The following TBX5 variants were observed in gnomAD, a reference collection of about 807,000 sequenced individuals.
TBX5 encodes the protein T-box transcription factor 5.
TBX5 carries 8 observed loss-of-function variants against 51.1 expected under a neutral mutation model. That is an observed-to-expected ratio of 0.16 (90% confidence interval 0.09 to 0.28). The LOEUF (loss-of-function observed/expected upper bound fraction) is 0.28, where lower values mean the gene tolerates loss of function less well. Ranked by LOEUF, TBX5 falls within the 10% of genes least tolerant of loss-of-function variation. The probability of loss-of-function intolerance (pLI) is 1.00; values close to 1 mark genes in which losing one functional copy is unlikely to be tolerated. For missense variants in TBX5, 589 were observed against 671.7 expected (o/e 0.88, Z 1.36); for synonymous variants, 302 against 266.4 (o/e 1.13, Z -1.30).
chr12:114,356,402 T>A (rs912699940), intron 8 of TBX5, among the ~76,000 whole-genome samples: 2 of 152,054 alleles, frequency 1.3e-5, no homozygotes, highest in South Asian at 2.1e-4. Flanking sequence ...GGAAAATACA[T>A]GAAGCACTTA....
intron 8 of TBX5, 141 bp from the exon 9 acceptor site, chr12:114,356,247 G>A (rs1868910278): frequency 1.2e-6 from 1 of 855,918 alleles, no homozygotes; most frequent in Admixed American, 2.0e-5. Flanking sequence ...TACAAAAAAA[G>A]GGGGTTGGAT....
chr12:114,404,175 C>G (rs1410578142), intron 1 of TBX5, among the ~76,000 whole-genome samples: 2 of 152,098 alleles, frequency 1.3e-5, no homozygotes. Context: ...GCAAAAGACC[C>G]GCGTCAGACC....
intron 7 of TBX5, among the ~76,000 whole-genome samples, chr12:114,374,967 C>G (rs967619556): frequency 6.6e-6 from 1 of 152,076 alleles, no homozygotes; most frequent in Admixed American, 6.6e-5. Flanking sequence ...AAATATATAG[C>G]AAAATTTTAA....
At chr12:114,383,068 C>T (rs1205449206) in intron 7 of TBX5, among the ~76,000 whole-genome samples, 1 of 152,022 alleles carries the variant, frequency 6.6e-6, no homozygotes, top group African/African-American at 2.4e-5. Context: ...ACATGCCCAC[C>T]TGTCTCTACT....
At chr12:114,366,138 A>G (rs1869517717) in intron 8 of TBX5, 27 bp downstream of exon 8, 3 of 1,612,160 alleles carry the variant, frequency 1.9e-6, no homozygotes, top group African/African-American at 2.7e-5. Flanking sequence ...GAAAGAAAGC[A>G]AATTGACCAG....
chr12:114,393,648 AAAGTCATTGTC>A (rs2136408946), intron 6 of TBX5, among the ~76,000 whole-genome samples: 1 of 152,262 alleles, frequency 6.6e-6, no homozygotes, highest in Admixed American at 6.5e-5. Context: ...AGCCTGCTCC[AAAGTCATTGTC>A]AAGCTTTGAA....
intron 6 of TBX5, among the ~76,000 whole-genome samples, chr12:114,387,551 T>A (rs1339590129): frequency 1.3e-5 from 2 of 152,176 alleles, no homozygotes; most frequent in African/African-American, 4.8e-5. Context: ...ATTTTTGGGT[T>A]TGTGAAACTA....
intron 7 of TBX5, among the ~76,000 whole-genome samples, chr12:114,383,911 A>C (rs1242018572): frequency 6.6e-6 from 1 of 152,158 alleles, no homozygotes; most frequent in African/African-American, 2.4e-5. Context: ...TAGGACTGAG[A>C]GGTGACTTTG....
chr12:114,372,588 G>A (rs751589103), intron 7 of TBX5, among the ~76,000 whole-genome samples: 3 of 151,732 alleles, frequency 2.0e-5, no homozygotes, highest in Non-Finnish European at 4.4e-5. Flanking sequence ...TAATAGACAT[G>A]AGCCACCTTA....
chr12:114,355,139 A>G lies in TBX5; in HGVS notation c.*393T>C. 9.3e-6 allele frequency: 3 copies of G among 321,974 alleles called. No homozygotes were observed. The highest frequency in any genetic ancestry group is 8.7e-5 in the South Asian group (3 of 34,658). 19.9% of individuals were successfully genotyped at this position (321,974 alleles called of 1,614,324 possible). A position where few individuals can be genotyped will look rare whatever the true frequency, so the allele number is the denominator to read the frequency against. ...ATATAACAATGTCAACATTAACACC[A>G]AGACAGGGACAGACTCCAACTACGC... On this transcript the variant is annotated 3_prime_UTR_variant, in exon 9 of 9. Transcript: ENST00000405440.
At chr12:114,394,108 A>T (rs1871294533) in intron 6 of TBX5, among the ~76,000 whole-genome samples, 1 of 152,130 alleles carries the variant, frequency 6.6e-6, no homozygotes, top group African/African-American at 2.4e-5. Flanking sequence ...GGAGTTCAAG[A>T]CCAGTCCTGG....
intron 6 of TBX5, among the ~76,000 whole-genome samples, chr12:114,392,047 C>T (rs1018340743): frequency 6.6e-6 from 1 of 151,808 alleles, no homozygotes; most frequent in Non-Finnish European, 1.5e-5. Flanking sequence ...TCAATCAATA[C>T]AGAAAAAAAA....
At chr12:114,404,938 T>C (rs2136426452) in intron 1 of TBX5, among the ~76,000 whole-genome samples, 1 of 152,356 alleles carries the variant, frequency 6.6e-6, no homozygotes, top group South Asian at 2.1e-4. Flanking sequence ...TGCAGGCGTA[T>C]GAGCTTAGAA....
rs1555225276 is a variant in TBX5, at chr12:114,384,714, AACAC to A, written c.755+758_755+761del. 8.6e-3 allele frequency among the ~76,000 whole-genome samples: 1,242 copies of A among 143,944 alleles called. 9 individuals are homozygous for A. Among genetic ancestry groups the A allele is most frequent in the African/African-American group, 0.018 (701 of 38,918 alleles). The allele number at this position is 143,944 out of a possible 152,430, so 94.4% of individuals were successfully genotyped here. A position where few individuals can be genotyped will look rare whatever the true frequency, so the allele number is the denominator to read the frequency against. ...AAACCCACCAAACAGAAAAAAAGAA[AACAC>A]ACACACACACACACACACACACACA... is the stretch of plus-strand genomic sequence containing the variant. On this transcript the variant is annotated intron_variant, in intron 7 of 8. Coordinates refer to ENST00000405440, the MANE Select transcript of TBX5 (RefSeq NM_181486.4).
intron 7 of TBX5, among the ~76,000 whole-genome samples, chr12:114,369,433 G>A (rs749832493): frequency 4.6e-5 from 7 of 152,172 alleles, no homozygotes; most frequent in Non-Finnish European, 1.0e-4. Flanking sequence ...AACACCGATC[G>A]TGAACATCTC....
At chr12:114,400,441 G>T (rs574644111) in intron 3 of TBX5, among the ~76,000 whole-genome samples, 45 of 152,334 alleles carry the variant, frequency 3.0e-4, no homozygotes, top group African/African-American at 1.0e-3. Flanking sequence ...GCGCCCTGGC[G>T]CACTCCAAAT....
At chr12:114,366,485 G>T in intron 7 of TBX5, 94 bp from the exon 8 acceptor site, 1 of 1,267,638 alleles carries the variant, frequency 7.9e-7, no homozygotes, top group Non-Finnish European at 1.1e-6. Context: ...CACCAGAAAA[G>T]TCACAGAATA....
intron 7 of TBX5, among the ~76,000 whole-genome samples, chr12:114,372,479 ATTT>A (rs35549331): frequency 6.9e-6 from 1 of 144,568 alleles, no homozygotes; most frequent in Non-Finnish European, 1.5e-5. Context: ...CAATAGTTGT[ATTT>A]TTTTTTTTTT....
intron 8 of TBX5, among the ~76,000 whole-genome samples, chr12:114,359,226 G>T (rs1428866125): frequency 6.6e-6 from 1 of 152,184 alleles, no homozygotes; most frequent in Non-Finnish European, 1.5e-5. Context: ...ATGAAAGCAG[G>T]TCCTGAACAT....
Sources: allele counts gnomAD v4.1 joint callset (sites outside exome capture counted in the v4.1 genomes callset), GRCh38; gene constraint gnomAD v4.1.1; transcripts MANE v1.5; gene names NCBI Gene and HGNC (gene_info 2026-07-23, HGNC 2026-07-21).